Variants in SPMIP7 observed in about 807,000 individuals in gnomAD.
SPMIP7 encodes sperm microtubule inner protein 7, also known as protein SPMIP7.
At chr7:50,130,803 C>T in the SPMIP7 span, among the ~76,000 whole-genome samples, 1 of 151,852 alleles carries the variant, frequency 6.6e-6, no homozygotes, top group African/African-American at 2.4e-5. Flanking sequence ...ACTCTATACC[C>T]TGAAGAGGGA....
the SPMIP7 span, among the ~76,000 whole-genome samples, chr7:50,122,744 A>G: frequency 6.6e-6 from 1 of 152,076 alleles, no homozygotes; most frequent in Non-Finnish European, 1.5e-5. Context: ...GCCCCATCAA[A>G]AAGTGGGCAA....
chr7:50,106,784 T>G, the SPMIP7 span, among the ~76,000 whole-genome samples: 2 of 152,138 alleles, frequency 1.3e-5, no homozygotes, highest in Non-Finnish European at 2.9e-5. Flanking sequence ...GTAAAAAAAT[T>G]ATAAATTACC....
chr7:50,143,911 C>T, the SPMIP7 span, among the ~76,000 whole-genome samples: 1 of 152,262 alleles, frequency 6.6e-6, no homozygotes, highest in East Asian at 1.9e-4. Flanking sequence ...TTTTTATGAG[C>T]TTATCATAGC....
the SPMIP7 span, among the ~76,000 whole-genome samples, chr7:50,100,761 G>A: frequency 2.6e-5 from 4 of 151,272 alleles, no homozygotes; most frequent in Non-Finnish European, 5.9e-5. Context: ...GCAGTGAGCC[G>A]AGATCGTGCC....
At chr7:50,149,577 C>A in the SPMIP7 span, among the ~76,000 whole-genome samples, 1 of 152,178 alleles carries the variant, frequency 6.6e-6, no homozygotes, top group Non-Finnish European at 1.5e-5. Flanking sequence ...TGGGCTGCCC[C>A]CACTCTTTAG....
the SPMIP7 span, among the ~76,000 whole-genome samples, chr7:50,127,907 G>A: frequency 6.6e-6 from 1 of 151,850 alleles, no homozygotes; most frequent in East Asian, 1.9e-4. Flanking sequence ...CAGTATGGAG[G>A]TTCCTCAAAA....
the SPMIP7 span, chr7:50,151,538 C>T: frequency 1.3e-6 from 2 of 1,550,964 alleles, no homozygotes; most frequent in East Asian, 2.4e-5. Context: ...AACCCCATCA[C>T]CAGATTCAGA....
At chr7:50,137,234 GA>G in the SPMIP7 span, among the ~76,000 whole-genome samples, 1 of 151,840 alleles carries the variant, frequency 6.6e-6, no homozygotes, top group Non-Finnish European at 1.5e-5. Flanking sequence ...AACATTAATA[GA>G]ACACAAAGTA....
chr7:50,101,155 C>T, the SPMIP7 span, among the ~76,000 whole-genome samples: 1 of 152,256 alleles, frequency 6.6e-6, no homozygotes, highest in Non-Finnish European at 1.5e-5. Context: ...CCCATGTTGA[C>T]ATTGGGCCTG....
At chr7:50,098,009 G>T in the SPMIP7 span, among the ~76,000 whole-genome samples, 25 of 152,162 alleles carry the variant, frequency 1.6e-4, 1 homozygote, top group East Asian at 4.8e-3. Context: ...ATTTGTCCTA[G>T]GCTTTCAATG....
At chr7:50,108,977 C>T in the SPMIP7 span, among the ~76,000 whole-genome samples, 1 of 152,144 alleles carries the variant, frequency 6.6e-6, no homozygotes. Context: ...TGTTATTAGA[C>T]ACCTGTTTAA....
At chr7:50,117,708 A>G in the SPMIP7 span, among the ~76,000 whole-genome samples, 1 of 152,204 alleles carries the variant, frequency 6.6e-6, no homozygotes, top group Non-Finnish European at 1.5e-5. Context: ...GGAAAATACC[A>G]GGCAGGGTAT....
At chr7:50,140,254 C>A in the SPMIP7 span, 1 of 818,520 alleles carries the variant, frequency 1.2e-6, no homozygotes, top group Non-Finnish European at 1.9e-6. Context: ...TCAGCTCACG[C>A]ATGTTGTATT....
At chr7:50,125,029 G>T in the SPMIP7 span, among the ~76,000 whole-genome samples, 1 of 150,084 alleles carries the variant, frequency 6.7e-6, no homozygotes, top group Non-Finnish European at 1.5e-5. Flanking sequence ...AACCCAGGAG[G>T]CGGAGATTGC....
chr7:50,143,397 C>A, the SPMIP7 span, among the ~76,000 whole-genome samples: 1 of 152,082 alleles, frequency 6.6e-6, no homozygotes, highest in Non-Finnish European at 1.5e-5. Flanking sequence ...AAACTCCTGA[C>A]CTCAAGTGAT....
the SPMIP7 span, among the ~76,000 whole-genome samples, chr7:50,133,630 G>A: frequency 6.6e-6 from 1 of 152,102 alleles, no homozygotes; most frequent in Non-Finnish European, 1.5e-5. Flanking sequence ...ACTGTTTAGG[G>A]TTCCCTAAAG....
At chr7:50,099,051 A>AT in the SPMIP7 span, among the ~76,000 whole-genome samples, 1 of 152,070 alleles carries the variant, frequency 6.6e-6, no homozygotes, top group Non-Finnish European at 1.5e-5. Flanking sequence ...GTTATCTATG[A>AT]TTTTGACTAC....
At chr7:50,105,387 T>C in the SPMIP7 span, among the ~76,000 whole-genome samples, 1 of 152,326 alleles carries the variant, frequency 6.6e-6, no homozygotes, top group Admixed American at 6.5e-5. Flanking sequence ...AAAGAATCAA[T>C]TTTCATTTCT....
the SPMIP7 span, among the ~76,000 whole-genome samples, chr7:50,140,730 GCCCAC>G: frequency 6.6e-6 from 1 of 152,158 alleles, no homozygotes; most frequent in African/African-American, 2.4e-5. Flanking sequence ...TTTAGTCCTG[GCCCAC>G]CCCTCTCATT....
Sources: gnomAD v4.1 joint callset for allele counts (sites outside exome capture counted in the v4.1 genomes callset) on GRCh38, gnomAD v4.1.1 for gene constraint, MANE v1.5 for transcripts, NCBI Gene and HGNC (gene_info 2026-07-23, HGNC 2026-07-21) for gene names.